CES5A: variants seen among roughly 807,000 people sequenced by gnomAD.
The protein encoded by CES5A is carboxylesterase 5A, also known as carboxylesterase 5.
Under a neutral mutation model 62.9 loss-of-function variants are expected in CES5A, and 67 were observed. The observed-to-expected ratio is 1.07, with a 90% confidence interval of 0.88 to 1.31. CES5A has a LOEUF of 1.31. Among genes scored for constraint, CES5A ranks in the 50% most tolerant of loss-of-function variants. The probability of loss-of-function intolerance (pLI) is 0.00; values close to 1 mark genes in which losing one functional copy is unlikely to be tolerated. For synonymous variants in CES5A, 296 were observed against 280.8 expected (o/e 1.05, Z -0.54); for missense variants, 748 against 708.5 (o/e 1.06, Z -0.63).
At chr16:55,886,390 G>C (rs1210885289) in intron 1 of CES5A, among the ~76,000 whole-genome samples, 1 of 152,156 alleles carries the variant, frequency 6.6e-6, no homozygotes, top group Non-Finnish European at 1.5e-5. Context: ...TATGGGAGTG[G>C]GACAGTGTGT....
intron 10 of CES5A, among the ~76,000 whole-genome samples, chr16:55,851,096 A>G (rs1169330680): frequency 6.6e-6 from 1 of 152,228 alleles, no homozygotes; most frequent in African/African-American, 2.4e-5. Context: ...GGATTCTTAT[A>G]TATGACACCA....
chr16:55,850,975 A>G (rs1425192850), intron 10 of CES5A, among the ~76,000 whole-genome samples: 2 of 152,210 alleles, frequency 1.3e-5, no homozygotes, highest in Non-Finnish European at 2.9e-5. Flanking sequence ...CCCTCATAGT[A>G]TATAGAAAAA....
intron 1 of CES5A, among the ~76,000 whole-genome samples, chr16:55,908,351 G>GTT (rs36001020): frequency 2.8e-4 from 42 of 151,882 alleles, no homozygotes; most frequent in Middle Eastern, 3.4e-3. Context: ...GTTGTTGTTT[G>GTT]TTTGTTTGTT....
intron 1 of CES5A, among the ~76,000 whole-genome samples, chr16:55,882,141 C>A (rs1258194399): frequency 1.3e-5 from 2 of 152,086 alleles, no homozygotes; most frequent in South Asian, 4.2e-4. Context: ...CTTGTCAAAC[C>A]TACTGAGCTC....
chr16:55,858,052 A>G (rs1475162685), intron 8 of CES5A, among the ~76,000 whole-genome samples: 7 of 152,158 alleles, frequency 4.6e-5, no homozygotes, highest in Non-Finnish European at 7.4e-5. Context: ...AAAAAAAATT[A>G]GCTGGGCATG....
intron 4 of CES5A, among the ~76,000 whole-genome samples, chr16:55,868,654 T>A (rs2033516546): frequency 6.6e-6 from 1 of 152,190 alleles, no homozygotes; most frequent in Non-Finnish European, 1.5e-5. Context: ...GCAGGATTCA[T>A]ATTTGAATCA....
chr16:55,918,036 G>A (rs1010388991), intron 1 of CES5A, among the ~76,000 whole-genome samples: 6 of 152,304 alleles, frequency 3.9e-5, no homozygotes, highest in Admixed American at 2.6e-4. Flanking sequence ...TGGAAAGTAG[G>A]AAGTGAAGCA....
intron 1 of CES5A, among the ~76,000 whole-genome samples, chr16:55,912,027 C>T (rs1299328011): frequency 6.6e-6 from 1 of 152,210 alleles, no homozygotes; most frequent in African/African-American, 2.4e-5. Flanking sequence ...CCCAGTGTCC[C>T]TTGTTACCTG....
At chr16:55,898,868 G>A (rs1301582525) in intron 1 of CES5A, among the ~76,000 whole-genome samples, 1 of 152,044 alleles carries the variant, frequency 6.6e-6, no homozygotes, top group East Asian at 1.9e-4. Context: ...AGAGACCACT[G>A]TGTGTCTGGC....
chr16:55,902,312 A>G (rs1295401092), intron 1 of CES5A, among the ~76,000 whole-genome samples: 2 of 152,172 alleles, frequency 1.3e-5, no homozygotes, highest in East Asian at 1.9e-4. Flanking sequence ...AGTTTGGTCA[A>G]GTCCCAAGGA....
In CES5A at chr16:55,865,872, A is replaced by C. The variant is rs1346506857; in HGVS notation, c.705+91T>G. On this transcript the variant is annotated intron_variant, in intron 5 of 12. Coordinates refer to ENST00000290567, the MANE Select transcript of CES5A (RefSeq NM_001143685.2). ...ATGTGTATTAAAGGGTTTGTTCAACATGAAGGCAACAATCAAATGTTAGTG... is the reference window on the plus strand; with the variant it reads ...ATGTGTATTAAAGGGTTTGTTCAACCTGAAGGCAACAATCAAATGTTAGTG... The C allele has an allele frequency of 2.1e-6, 3 of 1,427,434 alleles. 1 individual carries two copies. The Middle Eastern group carries it at 5.3e-4, about 250-fold the overall frequency. The allele number at this position is 1,427,434 out of a possible 1,614,324, so 88.4% of individuals were successfully genotyped here. A position where few individuals can be genotyped will look rare whatever the true frequency, so the allele number is the denominator to read the frequency against.
At chr16:55,870,204 G>A (rs1302938128) in intron 3 of CES5A, among the ~76,000 whole-genome samples, 2 of 151,996 alleles carry the variant, frequency 1.3e-5, no homozygotes, top group Non-Finnish European at 2.9e-5. Context: ...AAGAGCAAAA[G>A]CAGCCCAAGG....
At chr16:55,946,605 G>C (rs778263081) in intron 2 of CES5A, among the ~76,000 whole-genome samples, 1 of 152,208 alleles carries the variant, frequency 6.6e-6, no homozygotes, top group South Asian at 2.1e-4. Flanking sequence ...CTTGGGCTTA[G>C]GGAATGTTTT....
intron 10 of CES5A, among the ~76,000 whole-genome samples, chr16:55,851,454 C>T (rs1237829982): frequency 6.6e-6 from 1 of 152,104 alleles, no homozygotes; most frequent in East Asian, 1.9e-4. Context: ...ACTTCAAACC[C>T]ATTAGAATAG....
intron 1 of CES5A, among the ~76,000 whole-genome samples, chr16:55,908,820 G>C (rs564366551): frequency 6.6e-6 from 1 of 152,154 alleles, no homozygotes; most frequent in East Asian, 1.9e-4. Flanking sequence ...AATAGGTTGG[G>C]TGCCCCGTGG....
intron 2 of CES5A, among the ~76,000 whole-genome samples, chr16:55,934,660 G>T (rs1445176050): frequency 7.4e-6 from 1 of 136,012 alleles, no homozygotes. Flanking sequence ...TGTGTGGGGT[G>T]TGTGTGTGTG....
chr16:55,950,880 A>C (rs1320209693), intron 1 of CES5A, among the ~76,000 whole-genome samples: 1 of 152,010 alleles, frequency 6.6e-6, no homozygotes, highest in Non-Finnish European at 1.5e-5. Context: ...AGGCAGATGG[A>C]TCACGAGGAC....
chr16:55,895,621 TTTTG>T (rs200999420), intron 1 of CES5A, among the ~76,000 whole-genome samples: 1,969 of 152,322 alleles, frequency 0.013, 49 homozygotes, highest in African/African-American at 0.045. Context: ...CTGTTGCTTT[TTTTG>T]TTTGTTTGTT....
intron 1 of CES5A, among the ~76,000 whole-genome samples, chr16:55,888,909 G>T (rs185415222): frequency 3.9e-5 from 6 of 152,278 alleles, no homozygotes; most frequent in Admixed American, 1.3e-4. Context: ...TGAGGGCAGG[G>T]ACATTTTGGG....
Sources: allele counts gnomAD v4.1 joint callset (sites outside exome capture counted in the v4.1 genomes callset), GRCh38; gene constraint gnomAD v4.1.1; transcripts MANE v1.5; gene names NCBI Gene and HGNC (gene_info 2026-07-23, HGNC 2026-07-21).